Variants in TBC1D25 observed in about 807,000 individuals in gnomAD.
TBC1D25 encodes the protein 5SN3 snoRNA.
A neutral mutation model predicts 38.8 loss-of-function variants in TBC1D25; 13 were observed. That is an observed-to-expected ratio of 0.34 (90% confidence interval 0.22 to 0.53). TBC1D25 has a LOEUF of 0.53. TBC1D25 is among the 20% of genes least tolerant of loss of function. The pLI is 0.94. For synonymous variants in TBC1D25, 225 were observed against 255.6 expected (o/e 0.88, Z 1.14); for missense variants, 372 against 600.0 (o/e 0.62, Z 3.97).
chrX:48,548,088 CTGTT>C (rs1323267405), intron 3 of TBC1D25, among the ~76,000 whole-genome samples: 30 of 107,555 alleles, frequency 2.8e-4, no homozygotes, highest in African/African-American at 8.4e-4. Context: ...AGTTTGTTTT[CTGTT>C]TGTTTGTTTG....
At chrX:48,548,729 CCTTTA>C (rs1556982491) in intron 3 of TBC1D25, among the ~76,000 whole-genome samples, 1 of 112,062 alleles carries the variant, frequency 8.9e-6, no homozygotes, top group East Asian at 2.8e-4. Flanking sequence ...CTTTGCATGT[CCTTTA>C]CTTATTTACA....
At chrX:48,540,643 C>T (rs951029892) in intron 1 of TBC1D25, among the ~76,000 whole-genome samples, 8 of 111,641 alleles carry the variant, frequency 7.2e-5, no homozygotes, top group Non-Finnish European at 1.5e-4. Flanking sequence ...AAGACAGAGA[C>T]AGATCGCCAA....
Position 48,559,341 on chromosome X carries a change from C to T in TBC1D25, c.700C>T (p.Arg234Ter). 8.3e-7 allele frequency: 1 copy of T among 1,206,420 alleles called. No individual in the cohort carries two copies. The highest frequency in any genetic ancestry group is 1.1e-6 in the Non-Finnish European group (1 of 892,833). The change falls in exon 5 of 6, where the codon CGA (arginine) becomes TGA (stop). Residue 234 changes from arginine (R) to a stop codon, truncating the protein, a stop_gained. Coordinates refer to ENST00000376771, the MANE Select transcript of TBC1D25 (RefSeq NM_002536.4). LOFTEE classifies it high-confidence loss of function. The part of the protein sequence containing the change: ...IYHGGVEPSL[R>*]KVVWRYLLNV... ...TCATGGCGGTGTGGAGCCCTCGCTG[C>T]GAAAGGTGAGCATCCTCAGTCATCT...
chrX:48,549,573 C>G (rs1466192932), intron 3 of TBC1D25, among the ~76,000 whole-genome samples: 3 of 112,830 alleles, frequency 2.7e-5, no homozygotes, highest in Non-Finnish European at 5.6e-5. Context: ...GCGATCTCGG[C>G]TCACTGCAAC....
chrX:48,559,184 A>C lies in TBC1D25; in HGVS notation c.543A>C (p.Gln181His). ...TQVGRTLSKVQQVLSWSYGED... is the reference protein window; with the variant it reads ...TQVGRTLSKVHQVLSWSYGED... ...TGGGCCGTACCTTGTCTAAGGTCCA[A>C]CAAGTGCTGAGCTGGTCGTATGGGG... Residue 181 changes from glutamine to histidine, a missense_variant, in exon 5 of 6, where the codon CAA becomes CAC. Transcript: ENST00000376771. The C allele has an allele frequency of 8.3e-7, 1 of 1,211,119 alleles. No individual in the cohort carries two copies. The highest frequency in any genetic ancestry group is 1.1e-6 in the Non-Finnish European group (1 of 895,374).
chrX:48,550,026 G>A (rs1378398182), intron 3 of TBC1D25, among the ~76,000 whole-genome samples: 15 of 104,629 alleles, frequency 1.4e-4, no homozygotes, highest in African/African-American at 5.3e-4. Flanking sequence ...TACTCTTATC[G>A]CCCAGGCAGG....
chrX:48,547,537 CAT>C (rs1224136439), intron 3 of TBC1D25, among the ~76,000 whole-genome samples: 12 of 112,119 alleles, frequency 1.1e-4, no homozygotes, highest in East Asian at 5.6e-4. Context: ...GGCTACGAAA[CAT>C]GTGGAGAAAA....
Position 48,539,833 on chromosome X carries a change from C to A in TBC1D25, c.36C>A (p.Gly12=). 1 of 967,488 alleles carries A rather than the reference C, an allele frequency of 1.0e-6. No homozygotes were observed. The allele number at this position is 967,488 out of a possible 1,213,427, so 79.7% of individuals were successfully genotyped here. A position where few individuals can be genotyped will look rare whatever the true frequency, so the allele number is the denominator to read the frequency against. Residue 12 remains glycine (G), a synonymous_variant, in exon 1 of 6, where the codon GGC becomes GGA. Coordinates refer to ENST00000376771, the MANE Select transcript of TBC1D25 (RefSeq NM_002536.4). ...ATASGASDLS[G]SGAPPPGVGA... is the part of the protein sequence containing the mutation. Reference sequence around the variant, plus strand: ...CCTCCGGGGCCTCGGACTTGTCTGGCTCCGGAGCGCCCCCGCCCGGTGTGG... The same window carrying A: ...CCTCCGGGGCCTCGGACTTGTCTGGATCCGGAGCGCCCCCGCCCGGTGTGG...
At chrX:48,544,617 G>C (rs1483057870) in intron 2 of TBC1D25, among the ~76,000 whole-genome samples, 1 of 111,213 alleles carries the variant, frequency 9.0e-6, no homozygotes, top group Non-Finnish European at 1.9e-5. Flanking sequence ...CACTGCACCC[G>C]GCCAACATTT....
chrX:48,556,698 G>T (rs1342898359), intron 3 of TBC1D25, among the ~76,000 whole-genome samples: 1 of 94,202 alleles, frequency 1.1e-5, no homozygotes, highest in African/African-American at 4.1e-5. Flanking sequence ...AGTGAGCGAG[G>T]ATCACACCAT....
Position 48,560,399 on chromosome X carries a change from T to G in TBC1D25, c.1491T>G (p.Gly497=). The G allele has an allele frequency of 3.3e-6, 4 of 1,211,108 alleles. No individual in the cohort carries two copies. Among genetic ancestry groups the G allele is most frequent in the Non-Finnish European group, 4.5e-6 (4 of 895,279 alleles). The change falls in exon 6 of 6, where the codon GGT becomes GGG. Residue 497 remains glycine (G), a synonymous_variant. Transcript: ENST00000376771. ...HLATASQGPG[G]GGRLLRQASL... is the part of the protein sequence containing the mutation. ...CCACAGCCAGTCAGGGGCCTGGTGGTGGGGGGCGTCTCCTGAGACAGGCCA... is the reference window on the plus strand; with the variant it reads ...CCACAGCCAGTCAGGGGCCTGGTGGGGGGGGGCGTCTCCTGAGACAGGCCA...
rs2062023448 is a variant in TBC1D25 at position 48,561,176 on chromosome X, G to A, written c.*201G>A. ...GGCCACGCCTATTTATTCTGTTTCTGTTGTTTTGTTTTTAACAACTATACT... is the reference window on the plus strand; with the variant it reads ...GGCCACGCCTATTTATTCTGTTTCTATTGTTTTGTTTTTAACAACTATACT... On this transcript the variant is annotated 3_prime_UTR_variant, in exon 6 of 6. Transcript: ENST00000376771. 8 of 435,168 alleles carry A rather than the reference G, an allele frequency of 1.8e-5. No individual in the cohort carries two copies. Among genetic ancestry groups the A allele is most frequent in the Non-Finnish European group, 3.0e-5 (8 of 264,119 alleles). 35.9% of individuals were successfully genotyped at this position (435,168 alleles called of 1,213,427 possible). A position where few individuals can be genotyped will look rare whatever the true frequency, so the allele number is the denominator to read the frequency against.
At chrX:48,540,997 G>A (rs1294229375) in intron 1 of TBC1D25, among the ~76,000 whole-genome samples, 1 of 112,106 alleles carries the variant, frequency 8.9e-6, no homozygotes, top group Non-Finnish European at 1.9e-5. Flanking sequence ...CCATAGGCCC[G>A]CTTGCTGGGA....
At chrX:48,550,499 T>C (rs7885666) in intron 3 of TBC1D25, among the ~76,000 whole-genome samples, 53,378 of 103,680 alleles carry the variant, frequency 0.51, 11,773 homozygotes, top group African/African-American at 0.76. Context: ...TTTTTTGAGA[T>C]GGAGTCTCGC....
Position 48,559,940 on chromosome X carries a change from C to T in TBC1D25, c.1032C>T (p.Val344=), listed in dbSNP as rs782045199. ...MSDLASPILA[V]MDHEGHAFVC... ...ACCTTGCCTCACCCATCCTCGCTGT[C>T]ATGGACCATGAGGGCCATGCCTTTG... The change falls in exon 6 of 6, where the codon GTC becomes GTT. Residue 344 remains valine (V), a synonymous_variant. Transcript: ENST00000376771. 3.3e-6 allele frequency: 4 copies of T among 1,211,683 alleles called. No homozygotes were observed. In the Admixed American group the frequency reaches 8.7e-5, roughly 26 times the overall value.
Position 48,560,853 on chromosome X carries a change from C to T in TBC1D25, c.1945C>T (p.Arg649Cys), listed in dbSNP as rs373364674. The T allele has an allele frequency of 4.9e-6, 6 of 1,212,363 alleles. No homozygotes were observed. Among genetic ancestry groups the T allele is most frequent in the Admixed American group, 4.3e-5 (2 of 46,115 alleles). ...DYNELAMHFDRLVRKHHLGRV... is the reference protein window; with the variant it reads ...DYNELAMHFDCLVRKHHLGRV... The stretch of plus-strand genomic sequence containing the variant: ...TAATGAGCTGGCCATGCACTTTGAC[C>T]GCCTTGTGCGAAAACACCACCTGGG... Residue 649 changes from arginine (R) to cysteine (C), a missense_variant, in exon 6 of 6, where the codon CGC becomes TGC. Transcript: ENST00000376771.
chrX:48,555,425 G>A (rs1228756868), intron 3 of TBC1D25, among the ~76,000 whole-genome samples: 1 of 112,196 alleles, frequency 8.9e-6, no homozygotes, highest in East Asian at 2.8e-4. Flanking sequence ...TAAACAGATA[G>A]AAGTTGATTG....
intron 2 of TBC1D25, among the ~76,000 whole-genome samples, chrX:48,543,388 C>T (rs1299719681): frequency 1.9e-5 from 2 of 107,746 alleles, no homozygotes; most frequent in African/African-American, 6.7e-5. Context: ...AGGCGTGCGC[C>T]ACCATGCCCG....
chrX:48,558,949 C>T lies in TBC1D25; in HGVS notation c.441C>T (p.Ser147=), dbSNP rs1398462024. 34 of 1,209,758 alleles carry T rather than the reference C, an allele frequency of 2.8e-5. No homozygotes were observed. Among genetic ancestry groups the T allele is most frequent in the Admixed American group, 8.8e-5 (4 of 45,610 alleles). ...DIISPKDVIG[S]DVLLAEKRSS... ...TCAGCCCCAAAGATGTCATTGGCTCCGACGTGTTGCTGGCTGAGAAACGGT... is the reference window on the plus strand; with the variant it reads ...TCAGCCCCAAAGATGTCATTGGCTCTGACGTGTTGCTGGCTGAGAAACGGT... The change falls in exon 4 of 6, where the codon TCC becomes TCT. Residue 147 remains serine (S), a synonymous_variant. Coordinates refer to ENST00000376771, the MANE Select transcript of TBC1D25 (RefSeq NM_002536.4).
Sources: gnomAD v4.1 joint callset for allele counts (sites outside exome capture counted in the v4.1 genomes callset) on GRCh38, gnomAD v4.1.1 for gene constraint, MANE v1.5 for transcripts, NCBI Gene and HGNC (gene_info 2026-07-23, HGNC 2026-07-21) for gene names.